Variants in SUPT20H observed in about 807,000 individuals in gnomAD.
The protein encoded by SUPT20H is SPT20 homolog, SAGA complex component, also known as transcription factor SPT20 homolog.
A neutral mutation model predicts 122.8 loss-of-function variants in SUPT20H; 82 were observed. The ratio of observed to expected loss-of-function variants is 0.67; its 90% CI spans 0.56 to 0.80. The LOEUF is 0.80. SUPT20H is among the 30% of genes least tolerant of loss of function. SUPT20H has a pLI of 0.00. For missense variants in SUPT20H, 831 were observed against 921.6 expected (o/e 0.90, Z 1.27); for synonymous variants, 291 against 313.0 (o/e 0.93, Z 0.74).
At position 37,040,712 on chromosome 13, in the gene SUPT20H, T is replaced by C; in HGVS notation, c.397-20A>G. On this transcript the variant is annotated intron_variant, in intron 7 of 25. Transcript: ENST00000350612. ...ATTAACCTGTTTGGGCAAAAATACGTAAACGTCATTTTTTTTTCCAAAAGC... is the reference window on the plus strand; with the variant it reads ...ATTAACCTGTTTGGGCAAAAATACGCAAACGTCATTTTTTTTTCCAAAAGC... The C allele has an allele frequency of 6.3e-7, 1 of 1,587,546 alleles. No homozygotes were observed. Among genetic ancestry groups the C allele is most frequent in the Middle Eastern group, 1.7e-4 (1 of 5,982 alleles).
intron 7 of SUPT20H, among the ~76,000 whole-genome samples, chr13:37,043,130 G>A (rs2065795883): frequency 6.6e-6 from 1 of 152,134 alleles, no homozygotes; most frequent in Non-Finnish European, 1.5e-5. Flanking sequence ...AAAAAAGAGA[G>A]GTTATAATTT....
At chr13:37,030,800 C>A (rs1026077303) in intron 12 of SUPT20H, among the ~76,000 whole-genome samples, 2 of 152,216 alleles carry the variant, frequency 1.3e-5, no homozygotes, top group African/African-American at 4.8e-5. Context: ...CCTTGAAGAA[C>A]TGCACATAAG....
chr13:37,057,973 C>CAAA (rs34624589), intron 1 of SUPT20H, among the ~76,000 whole-genome samples: 20 of 97,932 alleles, frequency 2.0e-4, no homozygotes, highest in East Asian at 8.5e-4. Context: ...GACTCCGTCT[C>CAAA]AAAAAAAAAA....
intron 13 of SUPT20H, 109 bp from the exon 14 acceptor site, chr13:37,028,414 A>G (rs2062701053): frequency 4.0e-6 from 4 of 989,028 alleles, no homozygotes; most frequent in Non-Finnish European, 5.9e-6. Context: ...GACGATAGGA[A>G]GACACACAGC....
At chr13:37,052,067 T>C (rs1249138703) in intron 1 of SUPT20H, among the ~76,000 whole-genome samples, 2 of 152,182 alleles carry the variant, frequency 1.3e-5, no homozygotes, top group African/African-American at 2.4e-5. Flanking sequence ...TCCATGCTCA[T>C]GGATAGGAAG....
At chr13:37,047,792 A>C in intron 4 of SUPT20H, 86 bp downstream of exon 4, 1 of 1,369,024 alleles carries the variant, frequency 7.3e-7, no homozygotes, top group Non-Finnish European at 9.9e-7. Context: ...TAAAATTTCT[A>C]GCTCAGTCCC....
intron 17 of SUPT20H, 36 bp downstream of exon 17, chr13:37,025,284 A>G: frequency 6.7e-7 from 1 of 1,487,000 alleles, no homozygotes; most frequent in Non-Finnish European, 9.4e-7. Context: ...CTTGTGAAAC[A>G]ACTGGGCACA....
At chr13:37,054,115 G>A (rs2068380280) in intron 1 of SUPT20H, among the ~76,000 whole-genome samples, 2 of 152,174 alleles carry the variant, frequency 1.3e-5, no homozygotes, top group South Asian at 4.1e-4. Flanking sequence ...GTGAAATTGA[G>A]GCAATAATTA....
chr13:37,032,112 G>A (rs1215055223), intron 10 of SUPT20H, among the ~76,000 whole-genome samples: 1 of 152,076 alleles, frequency 6.6e-6, no homozygotes, highest in African/African-American at 2.4e-5. Flanking sequence ...AGAGGGGGAG[G>A]AGACATTCAC....
chr13:37,057,188 G>C (rs371328386), intron 1 of SUPT20H: 1 of 151,994 alleles, frequency 6.6e-6, no homozygotes, highest in Non-Finnish European at 1.5e-5. Context: ...CCAGCTACTC[G>C]GTAGGCTGAG....
chr13:37,024,177 T>G lies in SUPT20H; in HGVS notation c.1449A>C (p.Pro483=), dbSNP rs748227943. ...ATTTGAGAAAGCTGCTTGTCTGTTG[T>G]GGTGTAAAATAGTTACCTAGAAGAA... ...GNSSSGNYFT[P]QQTSSFLKSP... Residue 483 remains proline (P), a synonymous_variant, in exon 19 of 26, where the codon CCA becomes CCC. Transcript: ENST00000350612. The G allele has an allele frequency of 6.2e-7, 1 of 1,612,404 alleles. No homozygotes were observed.
intron 1 of SUPT20H, among the ~76,000 whole-genome samples, chr13:37,052,542 AC>A (rs148917111): frequency 0.93 from 140,994 of 152,224 alleles, 65,398 homozygotes; most frequent in East Asian, 1. Flanking sequence ...ATAAAGACTT[AC>A]AACATAAAAC....
At chr13:37,027,632 A>C (rs1243423748) in intron 14 of SUPT20H, among the ~76,000 whole-genome samples, 2 of 152,184 alleles carry the variant, frequency 1.3e-5, no homozygotes, top group African/African-American at 4.8e-5. Flanking sequence ...AAATAGTAAA[A>C]CAAAATAAAA....
intron 5 of SUPT20H, among the ~76,000 whole-genome samples, chr13:37,046,647 T>TC (rs1041487925): frequency 2.0e-5 from 3 of 152,164 alleles, no homozygotes; most frequent in African/African-American, 7.2e-5. Flanking sequence ...TATATGTAGC[T>TC]CTCTTATTTT....
At position 37,022,419 on chromosome 13, in the gene SUPT20H, GT is replaced by G. The variant is rs376535732; in HGVS notation, c.1592-340del. The G allele has an allele frequency of 9.5e-3, 10,604 of 1,120,306 alleles. No individual in the cohort carries two copies. Among genetic ancestry groups the G allele is most frequent in the South Asian group, 0.017 (464 of 28,030 alleles). 69.4% of individuals were successfully genotyped at this position (1,120,306 alleles called of 1,614,324 possible). A position where few individuals can be genotyped will look rare whatever the true frequency, so the allele number is the denominator to read the frequency against. ...TACTTAGCACTGACAATTTGTTCTA[GT>G]TTTTTTTTTTTTAGCAGTTAACTGC... On this transcript the variant is annotated intron_variant, in intron 19 of 25. Coordinates refer to ENST00000350612, the MANE Select transcript of SUPT20H (RefSeq NM_001014286.3). This position sits in a 1 kb window ranked among gnomAD's most constrained non-coding sequence, Gnocchi z 4.5.
intron 5 of SUPT20H, among the ~76,000 whole-genome samples, chr13:37,045,669 A>C (rs2066295516): frequency 6.6e-6 from 1 of 152,186 alleles, no homozygotes; most frequent in Admixed American, 6.5e-5. Context: ...ATACTTAAGA[A>C]ATAAAAATAT....
At chr13:37,044,281 A>C in intron 6 of SUPT20H, 100 bp from the exon 7 acceptor site, 1 of 839,224 alleles carries the variant, frequency 1.2e-6, no homozygotes, top group Non-Finnish European at 1.8e-6. Flanking sequence ...ATAAAACCAA[A>C]AGGCATTTCA....
chr13:37,026,361 C>T (rs892468879), intron 15 of SUPT20H, 125 bp from the exon 16 acceptor site: 1 of 694,826 alleles, frequency 1.4e-6, no homozygotes, highest in Non-Finnish European at 2.1e-6. Flanking sequence ...ATTAAATCTA[C>T]CAAGATATGA....
intron 1 of SUPT20H, among the ~76,000 whole-genome samples, chr13:37,054,850 T>C (rs907580037): frequency 1.3e-5 from 2 of 152,218 alleles, no homozygotes; most frequent in African/African-American, 4.8e-5. Flanking sequence ...GATGACATGA[T>C]TGTATATCTA....
Sources: gnomAD v4.1 joint callset for allele counts (sites outside exome capture counted in the v4.1 genomes callset) on GRCh38, gnomAD v4.1.1 for gene constraint, Gnocchi (gnomAD v3.1) non-coding constraint, MANE v1.5 for transcripts, NCBI Gene and HGNC (gene_info 2026-07-23, HGNC 2026-07-21) for gene names.